The following NHSL2 variants were observed in gnomAD, a reference collection of about 807,000 sequenced individuals.
NHSL2 encodes NHS-like protein 2.
Under a neutral mutation model 53.4 loss-of-function variants are expected in NHSL2, and 27 were observed. That is an observed-to-expected ratio of 0.51 (90% CI 0.37 to 0.70). NHSL2 has a LOEUF of 0.70. Among genes scored for constraint, NHSL2 ranks in the 30% least tolerant of loss-of-function variants. NHSL2 has a pLI of 0.00. For missense variants in NHSL2, 892 were observed against 980.1 expected (o/e 0.91, Z 1.20); for synonymous variants, 408 against 404.1 (o/e 1.01, Z -0.12).
chrX:72,103,543 T>C (rs777876449), intron 1 of NHSL2, among the ~76,000 whole-genome samples: 1 of 110,826 alleles, frequency 9.0e-6, no homozygotes, highest in Non-Finnish European at 1.9e-5. Flanking sequence ...GCTGGATGAG[T>C]CCCAGGTCCA....
At chrX:72,013,747 C>G (rs1007169531) in intron 1 of NHSL2, among the ~76,000 whole-genome samples, 2 of 110,563 alleles carry the variant, frequency 1.8e-5, no homozygotes, top group African/African-American at 6.6e-5. Flanking sequence ...TGTAGATGCT[C>G]AAGTTAAGGA....
At chrX:72,081,210 A>G (rs1760744816) in intron 1 of NHSL2, among the ~76,000 whole-genome samples, 1 of 112,098 alleles carries the variant, frequency 8.9e-6, no homozygotes, top group Non-Finnish European at 1.9e-5. Context: ...GAGGAAAGTG[A>G]TCTTTGGTCT....
intron 1 of NHSL2, among the ~76,000 whole-genome samples, chrX:72,100,833 TTAACTTACATG>T (rs2041986157): frequency 8.9e-6 from 1 of 112,166 alleles, no homozygotes; most frequent in Admixed American, 9.4e-5. Flanking sequence ...GACTGCTGTG[TTAACTTACATG>T]CCATTATGTG....
At chrX:72,086,555 G>C (rs190236736) in intron 1 of NHSL2, among the ~76,000 whole-genome samples, 2 of 109,837 alleles carry the variant, frequency 1.8e-5, no homozygotes, top group Admixed American at 9.7e-5. Flanking sequence ...GTGGTGGCAG[G>C]TGCCTGTAAT....
chrX:72,023,210 C>G (rs2042168653), intron 1 of NHSL2, among the ~76,000 whole-genome samples: 1 of 112,565 alleles, frequency 8.9e-6, no homozygotes, highest in Non-Finnish European at 1.9e-5. Flanking sequence ...CAGGGAAGTC[C>G]AATGACATAA....
chrX:71,953,055 G>A (rs1291660406), intron 1 of NHSL2, among the ~76,000 whole-genome samples: 1 of 111,311 alleles, frequency 9.0e-6, no homozygotes, highest in South Asian at 4.0e-4. Context: ...CTTGCCTGAC[G>A]TCCTTCTGGC....
chrX:71,933,261 A>G (rs1454021911), intron 1 of NHSL2, among the ~76,000 whole-genome samples: 1 of 111,821 alleles, frequency 8.9e-6, no homozygotes, highest in African/African-American at 3.3e-5. Context: ...CTTTTTCTCT[A>G]CTGTTAGAGA....
intron 1 of NHSL2, among the ~76,000 whole-genome samples, chrX:71,990,481 T>A (rs1266865512): frequency 9.0e-6 from 1 of 110,932 alleles, no homozygotes; most frequent in Non-Finnish European, 1.9e-5. Flanking sequence ...ACCATCTCCT[T>A]GCCTCATAAC....
At chrX:72,019,328 A>G (rs1001737889) in intron 1 of NHSL2, among the ~76,000 whole-genome samples, 3 of 112,335 alleles carry the variant, frequency 2.7e-5, no homozygotes, top group Admixed American at 9.4e-5. Context: ...ACTGTGTCAC[A>G]AGGCACTCAC....
rs901779781 is a variant in NHSL2 at position 72,145,284 on chromosome X, C to A, written c.*1710C>A. On this transcript the variant is annotated 3_prime_UTR_variant, in exon 8 of 8. Coordinates refer to ENST00000633930, the MANE Select transcript of NHSL2 (RefSeq NM_001013627.3). ...CTGCCCACACTCCAGCTGGACAGAG[C>A]AGCTGAAAAACCACACTAAGTACTG... is the stretch of plus-strand genomic sequence containing the variant. The A allele has an allele frequency of 8.9e-6, 1 of 111,965 alleles. No homozygotes were observed. Among genetic ancestry groups the A allele is most frequent in the East Asian group, 2.8e-4 (1 of 3,569 alleles). The allele number at this position is 111,965 out of a possible 1,213,427, so 9.2% of individuals were successfully genotyped here.
intron 1 of NHSL2, among the ~76,000 whole-genome samples, chrX:71,937,173 G>A (rs773286006): frequency 4.8e-4 from 54 of 112,025 alleles, no homozygotes; most frequent in Middle Eastern, 4.6e-3. Context: ...AGAACACATA[G>A]TACCTTTCTT....
intron 1 of NHSL2, among the ~76,000 whole-genome samples, chrX:72,057,873 T>A (rs760131459): frequency 8.9e-6 from 1 of 112,354 alleles, no homozygotes; most frequent in Non-Finnish European, 1.9e-5. Context: ...CACTACATAC[T>A]CAGAAAAAGG....
chrX:72,000,855 C>T (rs757222823), intron 1 of NHSL2, among the ~76,000 whole-genome samples: 1 of 112,503 alleles, frequency 8.9e-6, no homozygotes, highest in Non-Finnish European at 1.9e-5. Context: ...TTAACTCCAC[C>T]TGCAAACCTT....
At chrX:72,099,582 G>A (rs990711661) in intron 1 of NHSL2, among the ~76,000 whole-genome samples, 4 of 110,168 alleles carry the variant, frequency 3.6e-5, no homozygotes, top group African/African-American at 1.3e-4. Flanking sequence ...TATTGGTCAG[G>A]CTGGTCTCAA....
intron 1 of NHSL2, among the ~76,000 whole-genome samples, chrX:72,084,644 C>G (rs1273380151): frequency 8.9e-6 from 1 of 112,126 alleles, no homozygotes; most frequent in Non-Finnish European, 1.9e-5. Flanking sequence ...GGCCGTCAGC[C>G]AGCAGCAGTT....
intron 1 of NHSL2, among the ~76,000 whole-genome samples, chrX:72,065,587 A>G: frequency 9.0e-6 from 1 of 111,317 alleles, no homozygotes; most frequent in South Asian, 3.8e-4. Flanking sequence ...GTGAGAGGGG[A>G]TGGGAAGCAC....
chrX:72,069,720 AGT>A, intron 1 of NHSL2: 1 of 935,365 alleles, frequency 1.1e-6, no homozygotes, highest in Non-Finnish European at 1.3e-6. Flanking sequence ...GCAACCGAGG[AGT>A]AAAAGCCAAA....
At chrX:72,003,667 G>T (rs1163367696) in intron 1 of NHSL2, among the ~76,000 whole-genome samples, 2 of 111,961 alleles carry the variant, frequency 1.8e-5, no homozygotes, top group Non-Finnish European at 3.8e-5. Context: ...CACCCTGAAT[G>T]CTCCCAATCT....
intron 6 of NHSL2, chrX:72,141,002 C>G: frequency 3.0e-6 from 1 of 337,238 alleles, no homozygotes; most frequent in Non-Finnish European, 5.3e-6. Flanking sequence ...TTAGGCCACT[C>G]TCCCCTCTAA....
Sources: gnomAD v4.1 joint callset for allele counts (sites outside exome capture counted in the v4.1 genomes callset) on GRCh38, gnomAD v4.1.1 for gene constraint, MANE v1.5 for transcripts, NCBI Gene and HGNC (gene_info 2026-07-23, HGNC 2026-07-21) for gene names.